Variants in FAM193A observed in about 807,000 individuals in gnomAD.
FAM193A encodes the protein protein FAM193A.
In FAM193A, 22 loss-of-function variants were observed where a neutral mutation model predicts 126.5. The observed-to-expected ratio is 0.17, with a 90% CI of 0.12 to 0.25. The LOEUF is 0.25. Ranked by LOEUF, FAM193A falls within the 10% of genes least tolerant of loss-of-function variation. The pLI is 1.00. For missense variants in FAM193A, 1,675 were observed against 1,672.8 expected, an observed-to-expected ratio of 1.00 and a Z score of -0.02; for synonymous variants, 761 against 646.8, an observed-to-expected ratio of 1.18 and a Z score of -2.68.
In FAM193A at chr4:2,699,928, T is replaced by C. The variant is rs1717510333; in HGVS notation, c.3756T>C (p.Ser1252=). Residue 1252 remains serine, a synonymous_variant, in exon 19 of 21, where the codon TCT becomes TCC. Coordinates refer to ENST00000637812, the MANE Select transcript of FAM193A (RefSeq NM_001366318.2). ...LTRNFQAATE[S]VPNSGNIHNG... is the part of the protein sequence containing the mutation. ...GAAATTTCCAGGCAGCAACAGAGTC[T>C]GTTCCTAACTCTGGAAACATCCACA... is the stretch of plus-strand genomic sequence containing the variant. 3 of 1,613,990 alleles carry C rather than the reference T, an allele frequency of 1.9e-6. No individual in the cohort carries two copies. The Admixed American group carries it at 5.0e-5, about 27-fold the overall frequency.
In FAM193A at chr4:2,575,540, C is replaced by T. The variant is rs770265723; in HGVS notation, c.256-20544C>T. 6.7e-5 allele frequency among the ~76,000 whole-genome samples: 10 copies of T among 148,494 alleles called. No homozygotes were observed. The South Asian group carries it at 1.5e-3, about 22-fold the overall frequency. On this transcript the variant is annotated intron_variant, in intron 1 of 20. Coordinates refer to ENST00000637812, the MANE Select transcript of FAM193A (RefSeq NM_001366318.2). ...GGAGTGCAGTGGCGCAATCTCGGCTCGCTGCAACCTCTGCTTCCCGGGTTC... is the reference window on the plus strand; with the variant it reads ...GGAGTGCAGTGGCGCAATCTCGGCTTGCTGCAACCTCTGCTTCCCGGGTTC...
At chr4:2,723,166 C>T (rs1368276867) in intron 20 of FAM193A, among the ~76,000 whole-genome samples, 4 of 152,118 alleles carry the variant, frequency 2.6e-5, no homozygotes, top group African/African-American at 9.7e-5. Context: ...CCCAGCTAGT[C>T]AGGAGGCTGA....
intron 19 of FAM193A, among the ~76,000 whole-genome samples, chr4:2,709,296 A>G (rs1347299643): frequency 1.3e-5 from 2 of 152,178 alleles, no homozygotes; most frequent in African/African-American, 2.4e-5. Flanking sequence ...ATCTGTTTAC[A>G]TTATTTAATA....
intron 1 of FAM193A, among the ~76,000 whole-genome samples, chr4:2,587,301 CAG>C (rs1346939697): frequency 6.6e-6 from 1 of 152,126 alleles, no homozygotes; most frequent in Non-Finnish European, 1.5e-5. Context: ...AGCTAGCTCT[CAG>C]GGAACTAATG....
rs747399232 is a variant in FAM193A at position 2,693,866 on chromosome 4, T to C, written c.3084T>C (p.Ser1028=). The C allele has an allele frequency of 1.3e-5, 21 of 1,612,792 alleles. 1 individual carries two copies. The South Asian group carries it at 2.1e-4, about 16-fold the overall frequency. ...ATDGSISAPP[S]VCSDPDCEGH... is the part of the protein sequence containing the mutation. ...ATGGCTCCATTAGCGCCCCTCCAAG[T>C]GTCTGCAGGTGAGCCAAGTCCTGAC... Residue 1028 remains serine (S), a synonymous_variant, in exon 16 of 21, where the codon AGT becomes AGC. Transcript: ENST00000637812.
chr4:2,652,587 A>G lies in FAM193A; in HGVS notation c.1312-5216A>G, dbSNP rs527534878. On this transcript the variant is annotated intron_variant, in intron 7 of 20. Coordinates refer to ENST00000637812, the MANE Select transcript of FAM193A (RefSeq NM_001366318.2). ...GAAGGGGGGTGGGGAGGTGCTACAC[A>G]CTTTTAAACAACCAGATCTTCTGAG... Among the ~76,000 whole-genome samples, 18 of 152,192 alleles carry G rather than the reference A, an allele frequency of 1.2e-4. No individual in the cohort carries two copies. The South Asian group carries it at 3.7e-3, about 32-fold the overall frequency.
chr4:2,690,010 G>A (rs915781850), intron 14 of FAM193A, among the ~76,000 whole-genome samples: 4 of 152,198 alleles, frequency 2.6e-5, no homozygotes, highest in South Asian at 2.1e-4. Flanking sequence ...TCGGGTGCCC[G>A]GCCTTCAATT....
chr4:2,657,162 A>G (rs1050226546), intron 7 of FAM193A, among the ~76,000 whole-genome samples: 1 of 152,198 alleles, frequency 6.6e-6, no homozygotes, highest in Non-Finnish European at 1.5e-5. Context: ...AGCGAGACTC[A>G]GTCTCAAAAA....
chr4:2,704,741 C>T (rs7677826), intron 19 of FAM193A, among the ~76,000 whole-genome samples: 2 of 152,196 alleles, frequency 1.3e-5, no homozygotes, highest in Non-Finnish European at 2.9e-5. Flanking sequence ...GTTGCCAATC[C>T]GTTAGCTACA....
At chr4:2,555,859 A>G (rs1209038281) in intron 1 of FAM193A, among the ~76,000 whole-genome samples, 3 of 149,820 alleles carry the variant, frequency 2.0e-5, no homozygotes, top group Non-Finnish European at 4.4e-5. Context: ...CTTGTGATCC[A>G]CCTGCCTCGG....
intron 1 of FAM193A, among the ~76,000 whole-genome samples, chr4:2,566,567 A>G (rs1318863802): frequency 6.6e-6 from 1 of 152,014 alleles, no homozygotes; most frequent in Non-Finnish European, 1.5e-5. Context: ...GTGCGCCTGT[A>G]GTCCCCAGCT....
chr4:2,626,048 G>T (rs972853279), intron 3 of FAM193A, among the ~76,000 whole-genome samples: 6 of 152,118 alleles, frequency 3.9e-5, no homozygotes, highest in Non-Finnish European at 7.4e-5. Flanking sequence ...AAAATGCTCT[G>T]TGCTCTGGCT....
intron 7 of FAM193A, among the ~76,000 whole-genome samples, chr4:2,651,291 T>C (rs1374537479): frequency 1.3e-5 from 2 of 151,988 alleles, no homozygotes; most frequent in Non-Finnish European, 2.9e-5. Context: ...GATCATGCCA[T>C]TGCACTCCAG....
chr4:2,723,618 A>T (rs2109409089), intron 20 of FAM193A, among the ~76,000 whole-genome samples: 1 of 152,302 alleles, frequency 6.6e-6, no homozygotes, highest in Admixed American at 6.5e-5. Flanking sequence ...TTTAGAATTT[A>T]AAATTTGATT....
intron 1 of FAM193A, among the ~76,000 whole-genome samples, chr4:2,593,774 G>A (rs1296095923): frequency 1.3e-5 from 2 of 152,192 alleles, no homozygotes; most frequent in African/African-American, 2.4e-5. Context: ...AGCCAGAAAG[G>A]TCTGATGGGT....
intron 20 of FAM193A, among the ~76,000 whole-genome samples, chr4:2,726,267 T>G (rs1335372590): frequency 6.6e-6 from 1 of 152,146 alleles, no homozygotes; most frequent in Non-Finnish European, 1.5e-5. Context: ...CTCAAACTCC[T>G]GGATTCAAGT....
At chr4:2,654,826 C>T in intron 7 of FAM193A, 1 of 364,872 alleles carries the variant, frequency 2.7e-6, no homozygotes. Flanking sequence ...TGAGGGGCTG[C>T]TATGACCGGC....
intron 13 of FAM193A, among the ~76,000 whole-genome samples, chr4:2,679,379 T>C (rs113268337): frequency 2.5e-3 from 292 of 118,814 alleles, no homozygotes; most frequent in African/African-American, 0.01. Flanking sequence ...TTCTTTCTTT[T>C]TTTTTTTTTT....
At chr4:2,725,783 C>G (rs1363563744) in intron 20 of FAM193A, among the ~76,000 whole-genome samples, 6 of 151,786 alleles carry the variant, frequency 4.0e-5, no homozygotes, top group Non-Finnish European at 8.8e-5. Context: ...ATGATCTTGG[C>G]TCACTGGACC....
Sources: allele counts gnomAD v4.1 joint callset (sites outside exome capture counted in the v4.1 genomes callset), GRCh38; gene constraint gnomAD v4.1.1; transcripts MANE v1.5; gene names NCBI Gene and HGNC (gene_info 2026-07-23, HGNC 2026-07-21).